Variants in CYFIP2 observed in about 807,000 individuals in gnomAD.
The protein encoded by CYFIP2 is cytoplasmic FMR1 interacting protein 2, also known as cytoplasmic FMR1-interacting protein 2.
In CYFIP2, 29 loss-of-function variants were observed where a neutral mutation model predicts 158.7. That is an observed-to-expected ratio of 0.18 (90% CI 0.14 to 0.25). The LOEUF is 0.25. Among genes scored for constraint, CYFIP2 ranks in the 10% least tolerant of loss-of-function variants. The pLI is 1.00. For missense variants in CYFIP2, 852 were observed against 1,639.5 expected (o/e 0.52, Z 8.29); for synonymous variants, 585 against 617.6 (o/e 0.95, Z 0.78).
rs755313254 is a variant in CYFIP2, at chr5:157,343,568, G to A, written c.2673+2411G>A. 1.4e-5 allele frequency: 21 copies of A among 1,503,300 alleles called. No individual in the cohort carries two copies. The South Asian group carries it at 2.2e-4, about 16-fold the overall frequency. 93.1% of individuals were successfully genotyped at this position (1,503,300 alleles called of 1,614,324 possible). ...TCTGGAACCAGAATCAAAGTGAAGA[G>A]TGACATCCCCTGATTTAAGTATGTA... On this transcript the variant is annotated intron_variant, in intron 23 of 30. Transcript: ENST00000620254.
intron 1 of CYFIP2, among the ~76,000 whole-genome samples, chr5:157,278,017 TATG>T (rs1476890500): frequency 6.6e-6 from 1 of 152,124 alleles, no homozygotes; most frequent in Non-Finnish European, 1.5e-5. Flanking sequence ...ACAGTAAAAA[TATG>T]ATATTATAAT....
intron 9 of CYFIP2, among the ~76,000 whole-genome samples, chr5:157,308,390 T>C (rs1759427136): frequency 1.3e-5 from 2 of 152,246 alleles, no homozygotes; most frequent in African/African-American, 4.8e-5. Context: ...ACGTTCATCA[T>C]ATACTCACTG....
chr5:157,296,790 C>T lies in CYFIP2; in HGVS notation c.387+16C>T, dbSNP rs746990274. On this transcript the variant is annotated intron_variant, in intron 5 of 30. Coordinates refer to ENST00000620254, the MANE Select transcript of CYFIP2 (RefSeq NM_001037333.3). The stretch of plus-strand genomic sequence containing the variant: ...GTATTTTCAGGTGAGTGGGGAGGGG[C>T]AGGTCTGCATCTGGAGAACTGAAAA... The T allele has an allele frequency of 7.5e-6, 12 of 1,602,788 alleles. No individual in the cohort carries two copies. Among genetic ancestry groups the T allele is most frequent in the Non-Finnish European group, 1.0e-5 (12 of 1,170,816 alleles).
At chr5:157,310,402 C>G (rs558611541) in intron 10 of CYFIP2, among the ~76,000 whole-genome samples, 1 of 152,108 alleles carries the variant, frequency 6.6e-6, no homozygotes, top group Admixed American at 6.5e-5. Flanking sequence ...GCTTCTCGCC[C>G]GAAGTTATGG....
At chr5:157,329,983 A>G (rs73304162) in intron 19 of CYFIP2, among the ~76,000 whole-genome samples, 3,433 of 152,320 alleles carry the variant, frequency 0.023, 152 homozygotes, top group African/African-American at 0.079. Context: ...AACCTGCACT[A>G]TACTTTATCC....
intron 1 of CYFIP2, among the ~76,000 whole-genome samples, chr5:157,279,830 T>C (rs978438138): frequency 1.3e-5 from 2 of 152,368 alleles, no homozygotes; most frequent in African/African-American, 4.8e-5. Flanking sequence ...ACTTGGAAGA[T>C]TGCGTAACAG....
At chr5:157,296,626 A>G in intron 4 of CYFIP2, 47 bp from the exon 5 acceptor site, 1 of 1,551,854 alleles carries the variant, frequency 6.4e-7, no homozygotes, top group Non-Finnish European at 8.9e-7. Context: ...CAGTAATAAG[A>G]CAACAGGTGT....
chr5:157,327,923 T>C, intron 18 of CYFIP2, 50 bp from the exon 19 acceptor site: 3 of 1,578,184 alleles, frequency 1.9e-6, no homozygotes, highest in Non-Finnish European at 2.6e-6. Context: ...TCAGTTTCTG[T>C]CATAAAGCTG....
chr5:157,371,079 G>C (rs936490856), intron 26 of CYFIP2, among the ~76,000 whole-genome samples: 4 of 152,232 alleles, frequency 2.6e-5, no homozygotes, highest in Non-Finnish European at 4.4e-5. Flanking sequence ...CCAAATGAGG[G>C]CTGGAAGCTG....
chr5:157,385,188 T>G (rs1561789687), intron 28 of CYFIP2, among the ~76,000 whole-genome samples: 1 of 152,228 alleles, frequency 6.6e-6, no homozygotes, highest in Non-Finnish European at 1.5e-5. Context: ...TGGCATGTGT[T>G]TCCACTTAGA....
chr5:157,268,676 T>G (rs543575987), intron 1 of CYFIP2, among the ~76,000 whole-genome samples: 1 of 152,230 alleles, frequency 6.6e-6, no homozygotes, highest in Non-Finnish European at 1.5e-5. Context: ...GTAGCCTCCA[T>G]GTGGCCACCG....
At chr5:157,284,677 C>T (rs951879567) in intron 1 of CYFIP2, among the ~76,000 whole-genome samples, 6 of 152,182 alleles carry the variant, frequency 3.9e-5, no homozygotes, top group African/African-American at 7.2e-5. Flanking sequence ...AAAGCAGCTG[C>T]GCTGTGCCAG....
chr5:157,270,739 T>G (rs1161831349), intron 1 of CYFIP2, among the ~76,000 whole-genome samples: 3 of 152,192 alleles, frequency 2.0e-5, no homozygotes, highest in African/African-American at 4.8e-5. Flanking sequence ...CTCCTCAGAT[T>G]CTTATATTGA....
At chr5:157,367,290 CTA>C (rs1161606939) in intron 26 of CYFIP2, among the ~76,000 whole-genome samples, 1 of 152,222 alleles carries the variant, frequency 6.6e-6, no homozygotes, top group Non-Finnish European at 1.5e-5. Flanking sequence ...CATTTCTGGA[CTA>C]TATTCCAGTA....
chr5:157,347,801 T>C (rs1762801406), intron 23 of CYFIP2, among the ~76,000 whole-genome samples: 2 of 152,260 alleles, frequency 1.3e-5, no homozygotes, highest in Admixed American at 1.3e-4. Flanking sequence ...AGCCCTCTTG[T>C]TTCACAGTCC....
In CYFIP2 at chr5:157,309,823, G is replaced by T; in HGVS notation, c.981G>T (p.Glu327Asp). The T allele has an allele frequency of 6.3e-7, 1 of 1,596,880 alleles. No individual in the cohort carries two copies. The highest frequency in any genetic ancestry group is 8.5e-7 in the Non-Finnish European group (1 of 1,172,128). ...RYIKTSAHYE[E>D]NKSKWTCTQS... ...TTAAGACCAGTGCTCACTATGAAGA[G>T]AACAAGTCCAAGTGAGTGCCTGCCG... is the stretch of plus-strand genomic sequence containing the variant. Residue 327 changes from glutamate to aspartate, a missense_variant, in exon 10 of 31, where the codon GAG (glutamate) becomes GAT (aspartate). Glu to Asp is a conservative substitution (Grantham distance 45). Transcript: ENST00000620254.
intron 1 of CYFIP2, among the ~76,000 whole-genome samples, chr5:157,271,831 T>A (rs937108094): frequency 6.6e-6 from 1 of 152,182 alleles, no homozygotes; most frequent in Non-Finnish European, 1.5e-5. Flanking sequence ...CCTGAAGCCC[T>A]CCTCTTTGTT....
At chr5:157,330,643 T>C in intron 19 of CYFIP2, 99 bp from the exon 20 acceptor site, 1 of 882,840 alleles carries the variant, frequency 1.1e-6, no homozygotes, top group Non-Finnish European at 1.8e-6. Flanking sequence ...AAGATAGTGC[T>C]CTGTGGGTAG....
intron 10 of CYFIP2, 62 bp downstream of exon 10, chr5:157,309,896 G>A (rs894876419): frequency 1.6e-5 from 24 of 1,471,650 alleles, no homozygotes; most frequent in Non-Finnish European, 2.1e-5. Context: ...GCAGAGAGCC[G>A]AGGGGCCACT....
Sources: gnomAD v4.1 joint callset for allele counts (sites outside exome capture counted in the v4.1 genomes callset) on GRCh38, gnomAD v4.1.1 for gene constraint, MANE v1.5 for transcripts, NCBI Gene and HGNC (gene_info 2026-07-23, HGNC 2026-07-21) for gene names.